HMGB1: variants seen among roughly 807,000 people sequenced by gnomAD.
HMGB1 encodes high mobility group protein B1.
For synonymous variants in HMGB1, 81 were observed against 84.0 expected (o/e 0.96, Z 0.19); for missense variants, 79 against 253.5 (o/e 0.31, Z 4.67).
intron 1 of HMGB1, chr13:30,554,759 G>C: frequency 1.3e-6 from 1 of 768,594 alleles, no homozygotes; most frequent in Non-Finnish European, 2.4e-6. Flanking sequence ...AGGTGCAGCA[G>C]ATGAAACAGA....
intron 1 of HMGB1, among the ~76,000 whole-genome samples, chr13:30,578,047 A>G (rs953652353): frequency 6.6e-6 from 1 of 152,020 alleles, no homozygotes; most frequent in Non-Finnish European, 1.5e-5. Context: ...CATGGAGGTA[A>G]GCAGCAAGAG....
chr13:30,609,774 A>C (rs1355131223), intron 1 of HMGB1, among the ~76,000 whole-genome samples: 3 of 152,100 alleles, frequency 2.0e-5, no homozygotes, highest in African/African-American at 7.2e-5. Flanking sequence ...CCCAAAGTCC[A>C]CTGTATGATT....
chr13:30,464,315 TTC>T (rs1886568542), intron 1 of HMGB1: 1 of 985,246 alleles, frequency 1.0e-6, no homozygotes, highest in Non-Finnish European at 1.2e-6. Context: ...TGAGATGTAT[TTC>T]TGTTCTGACT....
At chr13:30,507,893 A>T (rs1458227649) in intron 1 of HMGB1, among the ~76,000 whole-genome samples, 1 of 152,142 alleles carries the variant, frequency 6.6e-6, no homozygotes, top group Non-Finnish European at 1.5e-5. Flanking sequence ...CTATTAAGGA[A>T]GGCTGAATCG....
In HMGB1 at chr13:30,461,129, C is replaced by G. The variant is rs1318820388; in HGVS notation, c.*228G>C. 1 of 1,258,222 alleles carries G rather than the reference C, an allele frequency of 7.9e-7. No individual in the cohort carries two copies. The highest frequency in any genetic ancestry group is 1.0e-6 in the Non-Finnish European group (1 of 997,104). The allele number at this position is 1,258,222 out of a possible 1,614,324, so 77.9% of individuals were successfully genotyped here. On this transcript the variant is annotated 3_prime_UTR_variant, in exon 5 of 5. Coordinates refer to ENST00000341423, the MANE Select transcript of HMGB1 (RefSeq NM_002128.7). ...AAATTTCCATGCCAATTTACAACCC[C>G]CATACTGTACCAGGCAAGGTTAGTG...
At chr13:30,465,384 T>TCCCGCCGCCGCCGCCGAGCCGCGCCGGC (rs1462268049) in intron 1 of HMGB1, 9 of 122,580 alleles carry the variant, frequency 7.3e-5, no homozygotes, top group Non-Finnish European at 1.0e-4. Context: ...GCCGCTGCCC[T>TCCCGCCGCCGCCGCCGAGCCGCGCCGGC]CCCGCCGCCG....
chr13:30,563,879 T>C (rs897098836), intron 1 of HMGB1, among the ~76,000 whole-genome samples: 1 of 152,196 alleles, frequency 6.6e-6, no homozygotes, highest in Non-Finnish European at 1.5e-5. Context: ...TATTAACAAC[T>C]TGTTTAAGCT....
intron 1 of HMGB1, among the ~76,000 whole-genome samples, chr13:30,489,300 A>G (rs1166144239): frequency 2.0e-5 from 3 of 152,244 alleles, no homozygotes; most frequent in Non-Finnish European, 4.4e-5. Context: ...ATTTGAGACC[A>G]GCCTGGGCAA....
chr13:30,550,133 A>G (rs879724529), intron 1 of HMGB1, among the ~76,000 whole-genome samples: 8 of 148,730 alleles, frequency 5.4e-5, no homozygotes, highest in Non-Finnish European at 1.2e-4. Flanking sequence ...AAAATCCTAT[A>G]TTTTCCTTAA....
At chr13:30,513,239 T>A (rs1199181012) in intron 1 of HMGB1, among the ~76,000 whole-genome samples, 1 of 152,136 alleles carries the variant, frequency 6.6e-6, no homozygotes, top group Non-Finnish European at 1.5e-5. Flanking sequence ...TTAACCTGGA[T>A]TCCATTTTCT....
intron 1 of HMGB1, among the ~76,000 whole-genome samples, chr13:30,570,311 G>A (rs1870372248): frequency 6.6e-6 from 1 of 152,166 alleles, no homozygotes; most frequent in African/African-American, 2.4e-5. Context: ...AAGAAAGAAA[G>A]TAATAATGAT....
At chr13:30,521,427 T>C (rs956932965) in intron 1 of HMGB1, among the ~76,000 whole-genome samples, 3 of 152,202 alleles carry the variant, frequency 2.0e-5, no homozygotes, top group Non-Finnish European at 2.9e-5. Flanking sequence ...TTTATCTCTA[T>C]AGATTTGCCT....
rs987418754 is a variant in HMGB1, at chr13:30,475,938, C to T, written c.-14-12244G>A. Among the ~76,000 whole-genome samples the T allele has an allele frequency of 1.4e-4, 21 of 152,262 alleles. 1 individual carries two copies. In the South Asian group the frequency reaches 1.7e-3, roughly 12 times the overall value. On this transcript the variant is annotated intron_variant, in intron 1 of 4. Transcript: ENST00000405805. ...CCTGACTTTTCACCCAATCATATCA[C>T]CTCCCTGGCCCCTGCAGACATTTGA...
At chr13:30,469,776 G>C (rs1022761169), upstream of HMGB1, among the ~76,000 whole-genome samples, 1 of 152,150 alleles carries the variant, frequency 6.6e-6, no homozygotes, top group African/African-American at 2.4e-5. Flanking sequence ...GACTACAGGC[G>C]CGTGCCACCA....
intron 1 of HMGB1, among the ~76,000 whole-genome samples, chr13:30,520,299 G>A (rs745695953): frequency 1.3e-5 from 2 of 151,734 alleles, no homozygotes; most frequent in Non-Finnish European, 2.9e-5. Context: ...TCCAGCCTGG[G>A]CAACAGGGTG....
chr13:30,526,215 T>C (rs1888363520), intron 1 of HMGB1, among the ~76,000 whole-genome samples: 1 of 152,030 alleles, frequency 6.6e-6, no homozygotes. Flanking sequence ...CACCACCATG[T>C]CTGGCTCATT....
intron 1 of HMGB1, among the ~76,000 whole-genome samples, chr13:30,532,706 G>A (rs1419150910): frequency 6.6e-6 from 1 of 151,904 alleles, no homozygotes; most frequent in African/African-American, 2.4e-5. Flanking sequence ...ATGGGGTTTC[G>A]CCATGTTAGC....
intron 1 of HMGB1, chr13:30,465,231 G>A (rs1214629283): frequency 2.6e-5 from 10 of 379,696 alleles, no homozygotes; most frequent in Non-Finnish European, 3.5e-5. Context: ...AGGCCGGCCG[G>A]GCCCGCACTG....
At chr13:30,563,104 C>A (rs1043859979) in intron 1 of HMGB1, among the ~76,000 whole-genome samples, 4 of 152,220 alleles carry the variant, frequency 2.6e-5, no homozygotes, top group Admixed American at 2.6e-4. Flanking sequence ...GCAGGAATTA[C>A]AACCAGTAAT....
Sources: gnomAD v4.1 joint callset for allele counts (sites outside exome capture counted in the v4.1 genomes callset) on GRCh38, gnomAD v4.1.1 for gene constraint, MANE v1.5 for transcripts, NCBI Gene and HGNC (gene_info 2026-07-23, HGNC 2026-07-21) for gene names.